Variants in KDM2A observed in about 807,000 individuals in gnomAD.
The protein encoded by KDM2A is lysine-specific demethylase 2A.
KDM2A carries 3 observed loss-of-function variants against 137.3 expected under a neutral mutation model. The ratio of observed to expected loss-of-function variants is 0.02; its 90% CI spans 0.01 to 0.06. The LOEUF is 0.06. Ranked by LOEUF, KDM2A falls within the 10% of genes least tolerant of loss-of-function variation. The probability of loss-of-function intolerance (pLI) is 1.00; values close to 1 mark genes in which losing one functional copy is unlikely to be tolerated. For synonymous variants in KDM2A, 512 were observed against 541.5 expected (o/e 0.95, Z 0.76); for missense variants, 738 against 1,510.6 (o/e 0.49, Z 8.48).
At chr11:67,244,577 A>G (rs1382745774) in intron 13 of KDM2A, among the ~76,000 whole-genome samples, 5 of 152,232 alleles carry the variant, frequency 3.3e-5, no homozygotes, top group African/African-American at 9.6e-5. Flanking sequence ...TAGTAGGCCA[A>G]AGGGCTAGGA....
intron 2 of KDM2A, among the ~76,000 whole-genome samples, chr11:67,170,874 A>T (rs1456071046): frequency 6.6e-6 from 1 of 152,076 alleles, no homozygotes; most frequent in Non-Finnish European, 1.5e-5. Flanking sequence ...TCTCAAGTGG[A>T]TTTTTGTAGC....
chr11:67,244,726 C>T (rs1460833444), intron 13 of KDM2A, among the ~76,000 whole-genome samples: 3 of 152,128 alleles, frequency 2.0e-5, no homozygotes, highest in Non-Finnish European at 4.4e-5. Flanking sequence ...TGGCTCACAC[C>T]TGTAATCCCA....
intron 2 of KDM2A, among the ~76,000 whole-genome samples, chr11:67,126,738 C>T (rs1400201097): frequency 6.6e-6 from 1 of 151,316 alleles, no homozygotes; most frequent in African/African-American, 2.4e-5. Flanking sequence ...TATTTTTTGC[C>T]AAGCTTCATT....
chr11:67,129,561 C>T (rs1001282231), intron 2 of KDM2A, among the ~76,000 whole-genome samples: 2 of 151,930 alleles, frequency 1.3e-5, no homozygotes, highest in African/African-American at 2.4e-5. Context: ...GGTGAAACCC[C>T]GTCTCTACTA....
At chr11:67,173,947 G>A (rs1043921360) in intron 2 of KDM2A, among the ~76,000 whole-genome samples, 9 of 151,960 alleles carry the variant, frequency 5.9e-5, no homozygotes, top group Admixed American at 1.3e-4. Flanking sequence ...CCTGGCTTCA[G>A]AAAGTGATCC....
intron 2 of KDM2A, among the ~76,000 whole-genome samples, chr11:67,131,208 C>T (rs1412447905): frequency 1.3e-5 from 2 of 151,782 alleles, no homozygotes; most frequent in East Asian, 3.9e-4. Context: ...CCTGTAGTCC[C>T]AGCTACTCGG....
chr11:67,197,348 A>AT (rs898457281), intron 5 of KDM2A, among the ~76,000 whole-genome samples: 8 of 151,404 alleles, frequency 5.3e-5, no homozygotes, highest in African/African-American at 1.7e-4. Flanking sequence ...TAATTTTTGT[A>AT]TTTTTTTTGT....
intron 5 of KDM2A, among the ~76,000 whole-genome samples, chr11:67,187,423 A>G (rs1005151118): frequency 2.0e-5 from 3 of 152,186 alleles, no homozygotes; most frequent in Admixed American, 2.0e-4. Context: ...TAAAGATCCA[A>G]AAGACAGAAA....
At chr11:67,149,772 G>A (rs1856342835) in intron 2 of KDM2A, among the ~76,000 whole-genome samples, 2 of 149,520 alleles carry the variant, frequency 1.3e-5, no homozygotes, top group Non-Finnish European at 3.0e-5. Context: ...CTAGGCTGGA[G>A]TGCGATGATA....
chr11:67,120,779 T>C lies in KDM2A; in HGVS notation c.-83-455T>C, dbSNP rs571868861. Among the ~76,000 whole-genome samples the C allele has an allele frequency of 6.6e-5, 10 of 152,332 alleles. No individual in the cohort carries two copies. The South Asian group carries it at 2.1e-3, about 32-fold the overall frequency. On this transcript the variant is annotated intron_variant, in intron 1 of 20. Coordinates refer to ENST00000529006, the MANE Select transcript of KDM2A (RefSeq NM_012308.3). ...TCATTTAAATCCTAATTTTTTGTCC[T>C]CTTTTTACATAGTCAGTTTGCCCTT... is the stretch of plus-strand genomic sequence containing the variant.
At chr11:67,230,343 A>G (rs1858671466) in intron 11 of KDM2A, among the ~76,000 whole-genome samples, 1 of 152,124 alleles carries the variant, frequency 6.6e-6, no homozygotes, top group African/African-American at 2.4e-5. Context: ...CAAAACACAT[A>G]TAGACCAGGC....
chr11:67,132,855 A>G (rs146969720), intron 2 of KDM2A, among the ~76,000 whole-genome samples: 1 of 152,214 alleles, frequency 6.6e-6, no homozygotes, highest in African/African-American at 2.4e-5. Flanking sequence ...GTTGGGGCCT[A>G]GCAATCTGTG....
At position 67,250,605 on chromosome 11, in the gene KDM2A, G is replaced by A. The variant is rs1326754167; in HGVS notation, c.2575G>A (p.Glu859Lys). 6.2e-7 allele frequency: 1 copy of A among 1,612,932 alleles called. No homozygotes were observed. Among genetic ancestry groups the A allele is most frequent in the South Asian group, 1.1e-5 (1 of 91,036 alleles). Residue 859 changes from glutamate to lysine, a missense_variant, in exon 17 of 21, where the codon GAA becomes AAA. Glu to Lys is a moderately conservative substitution (Grantham distance 56, BLOSUM62 1). Transcript: ENST00000529006. This position sits in a 1 kb window ranked among gnomAD's most constrained non-coding sequence, Gnocchi z 7.1. ...DEEGLGGEEE[E>K]EEEEEEEDDS... ...GGAGGGGCTGGGGGGAGAGGAGGAG[G>A]AAGAGGAGGAGGAGGAGGAGGAAGA...
rs1565422853 is a variant in KDM2A at position 67,245,161 on chromosome 11, A to G, written c.1564-28A>G. The G allele has an allele frequency of 6.2e-6, 10 of 1,608,878 alleles. No individual in the cohort carries two copies. Among genetic ancestry groups the G allele is most frequent in the Non-Finnish European group, 7.6e-6 (9 of 1,177,208 alleles). ...ATCCAGTCTTAAAGCAACCTGATAT[A>G]TTTGACCTCACTGCTTTCTCTTTCC... On this transcript the variant is annotated intron_variant, in intron 13 of 20. Coordinates refer to ENST00000529006, the MANE Select transcript of KDM2A (RefSeq NM_012308.3). This position sits in a 1 kb window ranked among gnomAD's most constrained non-coding sequence, Gnocchi z 4.1.
chr11:67,244,162 G>A (rs1163642080), intron 13 of KDM2A, among the ~76,000 whole-genome samples: 1 of 152,188 alleles, frequency 6.6e-6, no homozygotes, highest in Non-Finnish European at 1.5e-5. Context: ...ACAGGTGACT[G>A]CCTTAAAACA....
intron 6 of KDM2A, among the ~76,000 whole-genome samples, chr11:67,211,671 C>G (rs1168433082): frequency 1.6e-5 from 2 of 127,844 alleles, no homozygotes; most frequent in African/African-American, 5.7e-5. Flanking sequence ...ATTAGTAGTT[C>G]TTTTTTAATT....
chr11:67,123,681 GT>G (rs371113782), intron 2 of KDM2A, among the ~76,000 whole-genome samples: 50 of 143,028 alleles, frequency 3.5e-4, no homozygotes, highest in Middle Eastern at 3.5e-3. Flanking sequence ...ACTTTTAACT[GT>G]TTTTTTTTTT....
chr11:67,171,291 G>A (rs1181974916), intron 2 of KDM2A, among the ~76,000 whole-genome samples: 9 of 152,172 alleles, frequency 5.9e-5, no homozygotes, highest in African/African-American at 1.4e-4. Flanking sequence ...CAGGACAGAC[G>A]AGGCCGAGTC....
At chr11:67,193,749 T>A (rs1260360873) in intron 5 of KDM2A, among the ~76,000 whole-genome samples, 1 of 152,040 alleles carries the variant, frequency 6.6e-6, no homozygotes, top group Non-Finnish European at 1.5e-5. Context: ...TACTCCCAAC[T>A]ACTTGGGAGG....
Sources: gnomAD v4.1 joint callset for allele counts (sites outside exome capture counted in the v4.1 genomes callset) on GRCh38, gnomAD v4.1.1 for gene constraint, Gnocchi (gnomAD v3.1) non-coding constraint, MANE v1.5 for transcripts, NCBI Gene and HGNC (gene_info 2026-07-23, HGNC 2026-07-21) for gene names.